GNB4: variants seen among roughly 807,000 people sequenced by gnomAD.
GNB4 encodes G protein subunit beta 4.
In GNB4, 28 loss-of-function variants were observed where a neutral mutation model predicts 45.2. The observed-to-expected ratio is 0.62, with a 90% confidence interval of 0.46 to 0.85. The LOEUF is 0.85. Ranked by LOEUF, GNB4 falls within the 40% of genes least tolerant of loss-of-function variation. The pLI, the probability that GNB4 is intolerant of heterozygous loss-of-function variation, is 0.00. For missense variants in GNB4, 321 were observed against 425.4 expected (o/e 0.75, Z 2.16); for synonymous variants, 132 against 143.7 (o/e 0.92, Z 0.58).
intron 1 of GNB4, among the ~76,000 whole-genome samples, chr3:179,441,780 A>C: frequency 6.6e-6 from 1 of 150,542 alleles, no homozygotes; most frequent in Admixed American, 6.6e-5. Context: ...TGGGACCATC[A>C]CCCTATATAC....
the GNB4 span, among the ~76,000 whole-genome samples, chr3:179,470,745 G>A: frequency 2.8e-3 from 432 of 151,908 alleles, 1 homozygote; most frequent in Non-Finnish European, 5.3e-3. Context: ...GGGTTTTATC[G>A]TGTTAGCCAG....
In GNB4 at chr3:179,396,265, T is replaced by G. The variant is rs1034878856; in HGVS notation, c.*4948A>C. ...GAGCCTTAATCTAACACGTTTACCC[T>G]TCCCATAATTAGACTACTACTGACA... is the stretch of plus-strand genomic sequence containing the variant. On this transcript the variant is annotated 3_prime_UTR_variant, in exon 10 of 10. Coordinates refer to ENST00000232564, the MANE Select transcript of GNB4 (RefSeq NM_021629.4). 4 of 152,230 alleles carry G rather than the reference T, an allele frequency of 2.6e-5. No individual in the cohort carries two copies. The highest frequency in any genetic ancestry group is 5.9e-5 in the Non-Finnish European group (4 of 68,034). The allele number at this position is 152,230 out of a possible 1,614,324, so 9.4% of individuals were successfully genotyped here. A position where few individuals can be genotyped will look rare whatever the true frequency, so the allele number is the denominator to read the frequency against.
At chr3:179,430,620 A>ATTTTTT (rs34316813) in intron 1 of GNB4, among the ~76,000 whole-genome samples, 2 of 135,790 alleles carry the variant, frequency 1.5e-5, no homozygotes, top group Non-Finnish European at 3.2e-5. Context: ...TGCCTGGCTA[A>ATTTTTT]TTTTTTTTTT....
At chr3:179,504,271 C>A in the GNB4 span, among the ~76,000 whole-genome samples, 1 of 152,084 alleles carries the variant, frequency 6.6e-6, no homozygotes, top group Non-Finnish European at 1.5e-5. Context: ...CTCCCACAGG[C>A]CTGATACTGT....
At chr3:179,403,856 AAAAGTC>A (rs1485005091) in intron 9 of GNB4, among the ~76,000 whole-genome samples, 1 of 151,916 alleles carries the variant, frequency 6.6e-6, no homozygotes, top group East Asian at 1.9e-4. Flanking sequence ...AAAAAACAAA[AAAAGTC>A]AAAAGGATCA....
In GNB4 at chr3:179,399,414, G is replaced by A. The variant is rs1045600864; in HGVS notation, c.*1799C>T. 6.6e-6 allele frequency: 1 copy of A among 152,158 alleles called. No individual in the cohort carries two copies. The highest frequency in any genetic ancestry group is 6.5e-5 in the Admixed American group (1 of 15,272). The allele number at this position is 152,158 out of a possible 1,614,324, so 9.4% of individuals were successfully genotyped here. ...GATGGGGTTTCACCATGTTGGGTAG[G>A]CTGGTCGCGAACTCCTGACCTCAAG... On this transcript the variant is annotated 3_prime_UTR_variant, in exon 10 of 10. Transcript: ENST00000232564.
chr3:179,445,033 TA>T (rs1292742443), intron 1 of GNB4, among the ~76,000 whole-genome samples: 3,380 of 148,460 alleles, frequency 0.023, 116 homozygotes, highest in African/African-American at 0.073. Context: ...GTGTTGCCAT[TA>T]AAAAAAAAAA....
intron 9 of GNB4, among the ~76,000 whole-genome samples, chr3:179,403,792 C>T (rs1267070589): frequency 1.5e-5 from 2 of 132,278 alleles, no homozygotes; most frequent in African/African-American, 5.4e-5. Context: ...AGCAAGACTC[C>T]GTCTCAAAAA....
At chr3:179,447,088 G>T (rs1261802028) in intron 1 of GNB4, among the ~76,000 whole-genome samples, 4 of 152,152 alleles carry the variant, frequency 2.6e-5, no homozygotes, top group Non-Finnish European at 5.9e-5. Flanking sequence ...ACTTCAAGAG[G>T]TTAGAGGGTG....
rs1428538232 is a variant in GNB4, at chr3:179,400,537, T to C, written c.*676A>G. 1 of 152,230 alleles carries C rather than the reference T, an allele frequency of 6.6e-6. No individual in the cohort carries two copies. The highest frequency in any genetic ancestry group is 1.5e-5 in the Non-Finnish European group (1 of 68,032). The allele number at this position is 152,230 out of a possible 1,614,324, so 9.4% of individuals were successfully genotyped here. A position where few individuals can be genotyped will look rare whatever the true frequency, so the allele number is the denominator to read the frequency against. ...TTTTTATTAATTATAATGATGTTTC[T>C]TATGTATGTCCAAAATATCAGTGAA... On this transcript the variant is annotated 3_prime_UTR_variant, in exon 10 of 10. Coordinates refer to ENST00000232564, the MANE Select transcript of GNB4 (RefSeq NM_021629.4).
At position 179,396,959 on chromosome 3, in the gene GNB4, G is replaced by GA. The variant is rs1714137740; in HGVS notation, c.*4253dup. On this transcript the variant is annotated 3_prime_UTR_variant, in exon 10 of 10. Transcript: ENST00000232564. Reference sequence around the variant, plus strand: ...TATAAATTCATTGTGCAACCCATAAGAAAGATGGTCCAACCTGTGGGTATT... The same window carrying GA: ...TATAAATTCATTGTGCAACCCATAAGAAAAGATGGTCCAACCTGTGGGTATT... The GA allele has an allele frequency of 6.6e-6, 1 of 152,126 alleles. No homozygotes were observed. The highest frequency in any genetic ancestry group is 2.1e-4 in the South Asian group (1 of 4,832). The allele number at this position is 152,126 out of a possible 1,614,324, so 9.4% of individuals were successfully genotyped here.
At chr3:179,515,418 T>C in the GNB4 span, among the ~76,000 whole-genome samples, 8,932 of 151,870 alleles carry the variant, frequency 0.059, 534 homozygotes, top group African/African-American at 0.16. Context: ...TGAAGGGAGA[T>C]AGGGGTGGGG....
chr3:179,401,651 C>T (rs996246057), intron 9 of GNB4, among the ~76,000 whole-genome samples: 1 of 152,214 alleles, frequency 6.6e-6, no homozygotes, highest in African/African-American at 2.4e-5. Flanking sequence ...AATAAGTTCT[C>T]GATATTCCAA....
At chr3:179,435,470 C>CCA (rs1382826482) in intron 1 of GNB4, among the ~76,000 whole-genome samples, 1 of 96,062 alleles carries the variant, frequency 1.0e-5, no homozygotes, top group Non-Finnish European at 2.0e-5. Flanking sequence ...CTTTCTTTTA[C>CCA]AAAAAAAAAA....
At chr3:179,521,470 C>T in the GNB4 span, among the ~76,000 whole-genome samples, 2 of 152,310 alleles carry the variant, frequency 1.3e-5, no homozygotes, top group Admixed American at 1.3e-4. Context: ...CAGTCTCATT[C>T]CAGACACCAG....
chr3:179,430,579 C>A (rs1204486202), intron 1 of GNB4, among the ~76,000 whole-genome samples: 2 of 151,668 alleles, frequency 1.3e-5, no homozygotes, highest in Non-Finnish European at 2.9e-5. Flanking sequence ...CAGCCTCCCC[C>A]AGTAGCTGGG....
chr3:179,413,593 G>A lies in GNB4; in HGVS notation c.518C>T (p.Thr173Ile). Residue 173 changes from threonine (T) to isoleucine (I), a missense_variant, in exon 8 of 10, where the codon ACT becomes ATT. Coordinates refer to ENST00000232564, the MANE Select transcript of GNB4 (RefSeq NM_021629.4). ...DTTCALWDIE[T>I]AQQTTTFTGH... ...AGTGAATGTGGTGGTCTGCTGGGCA[G>A]TTTCGATGTCCCATAAAGCACTGTA... is the stretch of plus-strand genomic sequence containing the variant. 1 of 1,614,140 alleles carries A rather than the reference G, an allele frequency of 6.2e-7. No individual in the cohort carries two copies. The highest frequency in any genetic ancestry group is 8.5e-7 in the Non-Finnish European group (1 of 1,180,022).
At chr3:179,474,630 A>G in the GNB4 span, among the ~76,000 whole-genome samples, 28 of 151,868 alleles carry the variant, frequency 1.8e-4, no homozygotes, top group Admixed American at 1.8e-3. Flanking sequence ...TGAAGTAGCA[A>G]GAGTCTACAG....
At chr3:179,478,575 G>A in the GNB4 span, among the ~76,000 whole-genome samples, 4 of 151,882 alleles carry the variant, frequency 2.6e-5, no homozygotes, top group Non-Finnish European at 5.9e-5. Context: ...TTAGGGCCTC[G>A]CTCTGTCACC....
Sources: allele counts gnomAD v4.1 joint callset (sites outside exome capture counted in the v4.1 genomes callset), GRCh38; gene constraint gnomAD v4.1.1; transcripts MANE v1.5; gene names NCBI Gene and HGNC (gene_info 2026-07-23, HGNC 2026-07-21).